Variants in PARD3 observed in about 807,000 individuals in gnomAD.
The protein encoded by PARD3 is par-3 family cell polarity regulator.
A neutral mutation model predicts 155.4 loss-of-function variants in PARD3; 75 were observed. The observed-to-expected ratio is 0.48, with a 90% CI of 0.40 to 0.58. PARD3 has a LOEUF of 0.58. Ranked by LOEUF, PARD3 falls within the 20% of genes least tolerant of loss-of-function variation. The pLI is 0.00. For synonymous variants in PARD3, 576 were observed against 610.5 expected (o/e 0.94, Z 0.83); for missense variants, 1,642 against 1,721.7 (o/e 0.95, Z 0.82).
chr10:34,314,886 T>C (rs1257405378), intron 20 of PARD3, among the ~76,000 whole-genome samples: 1 of 152,218 alleles, frequency 6.6e-6, no homozygotes, highest in Non-Finnish European at 1.5e-5. Flanking sequence ...GACAACCAGC[T>C]TGCAAAGTTT....
intron 5 of PARD3, among the ~76,000 whole-genome samples, chr10:34,417,289 C>G (rs1369946253): frequency 1.3e-5 from 2 of 152,166 alleles, no homozygotes; most frequent in Non-Finnish European, 2.9e-5. Context: ...AAGAATCCAT[C>G]AGGCAATTAC....
At chr10:34,516,932 C>T (rs1158458176) in intron 3 of PARD3, 47 bp downstream of exon 3, 7 of 1,547,598 alleles carry the variant, frequency 4.5e-6, no homozygotes, top group Non-Finnish European at 6.2e-6. Context: ...AGTTGGTATT[C>T]CTGTAAATTA....
intron 3 of PARD3, among the ~76,000 whole-genome samples, chr10:34,470,625 T>C (rs2078287722): frequency 6.6e-6 from 1 of 152,158 alleles, no homozygotes; most frequent in Admixed American, 6.5e-5. Context: ...GACTAAATAA[T>C]ATAAAGGGGT....
intron 22 of PARD3, among the ~76,000 whole-genome samples, chr10:34,143,115 A>G (rs1948282429): frequency 6.6e-6 from 1 of 152,112 alleles, no homozygotes; most frequent in South Asian, 2.1e-4. Flanking sequence ...AGGTCAAGAG[A>G]TCAAGACCAT....
At chr10:34,636,090 A>AGAC in intron 2 of PARD3, among the ~76,000 whole-genome samples, 3 of 152,234 alleles carry the variant, frequency 2.0e-5, no homozygotes, top group Middle Eastern at 6.8e-3. Context: ...AGAAGGAAGA[A>AGAC]GGAAGGAAGA....
chr10:34,811,081 T>C (rs567687856), intron 1 of PARD3, among the ~76,000 whole-genome samples: 2 of 152,274 alleles, frequency 1.3e-5, no homozygotes, highest in East Asian at 3.9e-4. Flanking sequence ...ACTTTTGCCC[T>C]TCACTCTCTC....
chr10:34,316,827 A>G (rs1384683246), intron 20 of PARD3, among the ~76,000 whole-genome samples: 1 of 152,224 alleles, frequency 6.6e-6, no homozygotes, highest in Non-Finnish European at 1.5e-5. Context: ...TGAGGTAGGA[A>G]AAGATTATAC....
intron 20 of PARD3, among the ~76,000 whole-genome samples, chr10:34,298,764 T>G (rs1327634050): frequency 6.6e-6 from 1 of 152,212 alleles, no homozygotes; most frequent in Non-Finnish European, 1.5e-5. Flanking sequence ...TTCACCACGA[T>G]TTAAAATGAT....
rs142120249 is a variant in PARD3, at chr10:34,728,937, G to A, written c.121-32518C>T. On this transcript the variant is annotated intron_variant, in intron 1 of 24. Coordinates refer to ENST00000374788, the MANE Select transcript of PARD3 (RefSeq NM_001184785.2). ...AAGATTGTAATACCGTATTTCTACT[G>A]TACCTTTTCTAGGTTCCGATATGTT... 1.5e-3 allele frequency among the ~76,000 whole-genome samples: 231 copies of A among 152,206 alleles called. 1 individual carries two copies. Among genetic ancestry groups the A allele is most frequent in the Non-Finnish European group, 2.5e-3 (171 of 68,010 alleles).
chr10:34,519,028 G>A (rs760278841), intron 2 of PARD3, among the ~76,000 whole-genome samples: 9 of 152,220 alleles, frequency 5.9e-5, no homozygotes, highest in East Asian at 5.8e-4. Context: ...AATGTATAAC[G>A]TCCATCTAAT....
At chr10:34,333,974 A>G (rs2134250164) in intron 18 of PARD3, among the ~76,000 whole-genome samples, 1 of 152,124 alleles carries the variant, frequency 6.6e-6, no homozygotes, top group African/African-American at 2.4e-5. Context: ...CCCTAACAAT[A>G]CAAACAGCAT....
At chr10:34,706,158 T>C (rs1432113547) in intron 1 of PARD3, among the ~76,000 whole-genome samples, 1 of 152,204 alleles carries the variant, frequency 6.6e-6, no homozygotes, top group Non-Finnish European at 1.5e-5. Context: ...CACTGCATTT[T>C]ACAATTTTAA....
At chr10:34,399,521 C>A in intron 6 of PARD3, 108 bp from the exon 7 acceptor site, 2 of 727,928 alleles carry the variant, frequency 2.7e-6, no homozygotes, top group South Asian at 1.6e-5. Flanking sequence ...CAATAAACAA[C>A]AAAAGAGAAC....
intron 2 of PARD3, among the ~76,000 whole-genome samples, chr10:34,615,407 T>C (rs1406181378): frequency 6.6e-6 from 1 of 151,724 alleles, no homozygotes; most frequent in Admixed American, 6.6e-5. Context: ...AGTGTAACCA[T>C]GGGCAGCAGA....
intron 20 of PARD3, among the ~76,000 whole-genome samples, chr10:34,292,187 T>C (rs1275913628): frequency 6.6e-6 from 1 of 152,160 alleles, no homozygotes; most frequent in African/African-American, 2.4e-5. Flanking sequence ...TAACAAGGAA[T>C]TCACTGCATG....
At chr10:34,207,988 C>T (rs918567837) in intron 22 of PARD3, among the ~76,000 whole-genome samples, 1 of 152,156 alleles carries the variant, frequency 6.6e-6, no homozygotes, top group South Asian at 2.1e-4. Flanking sequence ...ATAATATATG[C>T]CTGAACTTCT....
intron 3 of PARD3, among the ~76,000 whole-genome samples, chr10:34,480,994 G>A (rs1005328027): frequency 6.6e-6 from 1 of 151,470 alleles, no homozygotes; most frequent in South Asian, 2.1e-4. Context: ...TAGAGATGGG[G>A]TTTCACCATG....
intron 22 of PARD3, among the ~76,000 whole-genome samples, chr10:34,215,778 A>G (rs921270570): frequency 6.6e-6 from 1 of 152,238 alleles, no homozygotes; most frequent in Non-Finnish European, 1.5e-5. Context: ...CAGTTAAATG[A>G]GTGCTTAGCA....
At chr10:34,230,743 CT>C (rs1165354796) in intron 22 of PARD3, among the ~76,000 whole-genome samples, 1 of 152,066 alleles carries the variant, frequency 6.6e-6, no homozygotes, top group African/African-American at 2.4e-5. Context: ...AAACTAGGGG[CT>C]GGGATTGGTG....
Sources: gnomAD v4.1 joint callset for allele counts (sites outside exome capture counted in the v4.1 genomes callset) on GRCh38, gnomAD v4.1.1 for gene constraint, MANE v1.5 for transcripts, NCBI Gene and HGNC (gene_info 2026-07-23, HGNC 2026-07-21) for gene names.